The following FAF1 variants were observed in gnomAD, a reference collection of about 807,000 sequenced individuals.
The protein encoded by FAF1 is FAS-associated factor 1.
Under a neutral mutation model 92.5 loss-of-function variants are expected in FAF1, and 25 were observed. The ratio of observed to expected loss-of-function variants is 0.27; its 90% CI spans 0.20 to 0.38. The LOEUF (loss-of-function observed/expected upper bound fraction) is 0.38. Among genes scored for constraint, FAF1 ranks in the 10% least tolerant of loss-of-function variants. FAF1 has a pLI of 1.00. For synonymous variants in FAF1, 234 were observed against 273.2 expected (o/e 0.86, Z 1.42); for missense variants, 636 against 793.3 (o/e 0.80, Z 2.38).
chr1:50,774,013 T>C (rs1440601258), intron 4 of FAF1, among the ~76,000 whole-genome samples: 3 of 152,220 alleles, frequency 2.0e-5, no homozygotes, highest in Non-Finnish European at 4.4e-5. Context: ...AAATAAACTA[T>C]GCACATTGAG....
chr1:50,700,273 T>C lies in FAF1; in HGVS notation c.657+5513A>G, dbSNP rs1657409641. Among the ~76,000 whole-genome samples, 3 of 152,094 alleles carry C rather than the reference T, an allele frequency of 2.0e-5. No homozygotes were observed. In the South Asian group the frequency reaches 6.2e-4, roughly 32 times the overall value. On this transcript the variant is annotated intron_variant, in intron 7 of 18. Coordinates refer to ENST00000396153, the MANE Select transcript of FAF1 (RefSeq NM_007051.3). ...TGTAATGGGTCCACTAGAATTAATT[T>C]ACTTGCACCAAATCCATTGAGCACA...
At chr1:50,878,754 A>T (rs2124686775) in intron 1 of FAF1, among the ~76,000 whole-genome samples, 1 of 152,340 alleles carries the variant, frequency 6.6e-6, no homozygotes, top group South Asian at 2.1e-4. Flanking sequence ...GTTACTGTGG[A>T]CCAGGCAACT....
rs182512998 is a variant in FAF1, at chr1:50,756,460, G to A, written c.368-11685C>T. Reference sequence around the variant, plus strand: ...AGCAAAGCCATTCAACAAGTCTCCAGGAGGTTCCAAACTTTCCTGCATTTT... The same window carrying A: ...AGCAAAGCCATTCAACAAGTCTCCAAGAGGTTCCAAACTTTCCTGCATTTT... On this transcript the variant is annotated intron_variant, in intron 4 of 18. Transcript: ENST00000396153. 2.1e-3 allele frequency among the ~76,000 whole-genome samples: 313 copies of A among 150,706 alleles called. 3 individuals are homozygous for A. Among genetic ancestry groups the A allele is most frequent in the African/African-American group, 7.7e-3 (309 of 40,046 alleles).
chr1:50,787,982 T>C lies in FAF1; in HGVS notation c.367+18A>G, dbSNP rs747617015. 3 of 1,596,300 alleles carry C rather than the reference T, an allele frequency of 1.9e-6. No individual in the cohort carries two copies. Among genetic ancestry groups the C allele is most frequent in the African/African-American group, 1.3e-5 (1 of 74,590 alleles). On this transcript the variant is annotated intron_variant, in intron 4 of 18. Coordinates refer to ENST00000396153, the MANE Select transcript of FAF1 (RefSeq NM_007051.3). ...TAATTATTTATTTGTGAAGGCTTTA[T>C]GGCAGGAAAAACCTTACCAACAGTA...
At chr1:50,782,166 G>A (rs1256009994) in intron 4 of FAF1, among the ~76,000 whole-genome samples, 1 of 152,040 alleles carries the variant, frequency 6.6e-6, no homozygotes. Context: ...TTATTTTAAA[G>A]TATACACTTT....
chr1:50,718,415 T>C (rs928923125), intron 6 of FAF1, among the ~76,000 whole-genome samples: 1 of 152,206 alleles, frequency 6.6e-6, no homozygotes, highest in African/African-American at 2.4e-5. Context: ...CTGACAAATA[T>C]GAGCTCTCAG....
At chr1:50,896,970 AC>A (rs1419913902) in intron 1 of FAF1, among the ~76,000 whole-genome samples, 2 of 152,190 alleles carry the variant, frequency 1.3e-5, no homozygotes, top group African/African-American at 4.8e-5. Context: ...CCAAAAAAAA[AC>A]ACAAAGAAAA....
intron 7 of FAF1, among the ~76,000 whole-genome samples, chr1:50,695,948 CT>C (rs767839672): frequency 0.048 from 6,243 of 129,356 alleles, 339 homozygotes; most frequent in African/African-American, 0.15. Context: ...CGTGCTTGGC[CT>C]TTTTTTTTTT....
intron 1 of FAF1, among the ~76,000 whole-genome samples, chr1:50,915,808 G>A (rs1373412716): frequency 6.6e-6 from 1 of 152,124 alleles, no homozygotes; most frequent in Non-Finnish European, 1.5e-5. Context: ...TGAACTGTTG[G>A]ACTGAAAATA....
At chr1:50,662,391 A>C (rs1337771532) in intron 7 of FAF1, among the ~76,000 whole-genome samples, 1 of 152,210 alleles carries the variant, frequency 6.6e-6, no homozygotes, top group East Asian at 1.9e-4. Context: ...TTCAACTCTT[A>C]CTTGGCTATA....
chr1:50,758,501 T>C (rs1023597545), intron 4 of FAF1, among the ~76,000 whole-genome samples: 1 of 152,248 alleles, frequency 6.6e-6, no homozygotes, highest in African/African-American at 2.4e-5. Context: ...CTATAATACA[T>C]TGCTATAATT....
chr1:50,579,217 T>G (rs1650884050), intron 12 of FAF1, among the ~76,000 whole-genome samples: 1 of 152,170 alleles, frequency 6.6e-6, no homozygotes, highest in Admixed American at 6.5e-5. Flanking sequence ...AGACACTTAG[T>G]AAAAGTTCTT....
At chr1:50,483,557 A>G (rs1388083058) in intron 17 of FAF1, among the ~76,000 whole-genome samples, 1 of 152,188 alleles carries the variant, frequency 6.6e-6, no homozygotes, top group Non-Finnish European at 1.5e-5. Context: ...TTCAGGTTTT[A>G]TTTTGAGATG....
intron 6 of FAF1, among the ~76,000 whole-genome samples, chr1:50,707,672 C>T (rs958630873): frequency 1.3e-5 from 2 of 148,958 alleles, no homozygotes; most frequent in African/African-American, 5.0e-5. Flanking sequence ...CCAGCCTGGG[C>T]GATAGAGGGA....
chr1:50,662,039 T>C (rs1336351153), intron 7 of FAF1, among the ~76,000 whole-genome samples: 1 of 152,198 alleles, frequency 6.6e-6, no homozygotes, highest in Non-Finnish European at 1.5e-5. Context: ...AAGCTTTTTT[T>C]TTCTTCCCCC....
At chr1:50,525,048 G>A (rs1647720834) in intron 15 of FAF1, among the ~76,000 whole-genome samples, 1 of 152,022 alleles carries the variant, frequency 6.6e-6, no homozygotes, top group African/African-American at 2.4e-5. Flanking sequence ...ACCATGCCTG[G>A]CTAATTTTTG....
chr1:50,647,412 T>C (rs915066810), intron 8 of FAF1, among the ~76,000 whole-genome samples: 3 of 152,210 alleles, frequency 2.0e-5, no homozygotes, highest in African/African-American at 7.2e-5. Context: ...TTTTTGTCTA[T>C]AAATTTGTTC....
intron 3 of FAF1, among the ~76,000 whole-genome samples, chr1:50,795,714 T>C (rs1031091876): frequency 3.3e-5 from 5 of 152,204 alleles, no homozygotes; most frequent in African/African-American, 7.2e-5. Flanking sequence ...TCCTACAACT[T>C]TGGGTGCTGA....
At chr1:50,448,749 G>A (rs1276787010) in intron 18 of FAF1, among the ~76,000 whole-genome samples, 1 of 152,168 alleles carries the variant, frequency 6.6e-6, no homozygotes, top group African/African-American at 2.4e-5. Context: ...GGTAACAAAG[G>A]AGGTGATATT....
Sources: allele counts gnomAD v4.1 joint callset (sites outside exome capture counted in the v4.1 genomes callset), GRCh38; gene constraint gnomAD v4.1.1; transcripts MANE v1.5; gene names NCBI Gene and HGNC (gene_info 2026-07-23, HGNC 2026-07-21).